The following EPB41L4B variants were observed in gnomAD, a reference collection of about 807,000 sequenced individuals.
The protein encoded by EPB41L4B is erythrocyte membrane protein band 4.1 like 4B.
A neutral mutation model predicts 112.5 loss-of-function variants in EPB41L4B; 30 were observed. That is an observed-to-expected ratio of 0.27 (90% CI 0.20 to 0.36). The LOEUF is 0.36. EPB41L4B is among the 10% of genes least tolerant of loss of function. The probability of loss-of-function intolerance (pLI) is 1.00; values close to 1 mark genes in which losing one functional copy is unlikely to be tolerated. For synonymous variants in EPB41L4B, 408 were observed against 439.7 expected (o/e 0.93, Z 0.90); for missense variants, 1,024 against 1,133.3 (o/e 0.90, Z 1.38).
chr9:109,255,684 A>G lies in EPB41L4B; in HGVS notation c.1000-4T>C, dbSNP rs1834953287. On this transcript the variant is annotated splice_polypyrimidine_tract_variant and splice_region_variant and intron_variant, in intron 10 of 25. Coordinates refer to ENST00000374566, the MANE Select transcript of EPB41L4B (RefSeq NM_019114.5). ...ACGTGTGCTCTTGCTCACGTCCCTT[A>G]AAGAGGAAGCACAAGGGCCTCGAGT... 1.2e-6 allele frequency: 2 copies of G among 1,611,936 alleles called. No homozygotes were observed. Among genetic ancestry groups the G allele is most frequent in the Non-Finnish European group, 1.7e-6 (2 of 1,178,130 alleles).
intron 1 of EPB41L4B, 114 bp downstream of exon 1, chr9:109,320,027 G>T: frequency 1.2e-6 from 1 of 827,358 alleles, no homozygotes; most frequent in East Asian, 3.7e-5. Context: ...GAGGATGGGG[G>T]AGGGGATCCC....
At chr9:109,256,523 A>T (rs757944346) in intron 7 of EPB41L4B, 43 bp from the exon 8 acceptor site, 9 of 1,564,142 alleles carry the variant, frequency 5.8e-6, no homozygotes, top group Non-Finnish European at 7.9e-6. Flanking sequence ...GCGACTCGTA[A>T]GCCCACAGGA....
chr9:109,214,571 A>G (rs974390773), intron 16 of EPB41L4B, among the ~76,000 whole-genome samples: 14 of 152,242 alleles, frequency 9.2e-5, no homozygotes, highest in Non-Finnish European at 1.8e-4. Flanking sequence ...CTGACAAGCG[A>G]ACATTTGAAT....
chr9:109,280,526 G>A (rs939992915), intron 1 of EPB41L4B, among the ~76,000 whole-genome samples: 2 of 152,142 alleles, frequency 1.3e-5, no homozygotes, highest in East Asian at 3.8e-4. Flanking sequence ...GTCAAGTCCT[G>A]CATCTGCCAC....
At chr9:109,282,352 C>A (rs532482001) in intron 1 of EPB41L4B, among the ~76,000 whole-genome samples, 1 of 152,328 alleles carries the variant, frequency 6.6e-6, no homozygotes, top group African/African-American at 2.4e-5. Flanking sequence ...TGTGAATACA[C>A]TAAAAGCTGC....
intron 10 of EPB41L4B, 44 bp downstream of exon 10, chr9:109,255,730 C>G (rs185730758): frequency 6.2e-7 from 1 of 1,611,774 alleles, no homozygotes; most frequent in Non-Finnish European, 8.5e-7. Flanking sequence ...AACCCCAACA[C>G]AGGATTTTCA....
chr9:109,198,492 C>T (rs1001626423), intron 20 of EPB41L4B, among the ~76,000 whole-genome samples: 2 of 152,214 alleles, frequency 1.3e-5, no homozygotes, highest in African/African-American at 4.8e-5. Context: ...AGGGGCCTGA[C>T]AGAAGCCTTT....
intron 1 of EPB41L4B, among the ~76,000 whole-genome samples, chr9:109,294,879 A>T (rs766485913): frequency 1.3e-5 from 2 of 152,180 alleles, no homozygotes; most frequent in African/African-American, 2.4e-5. Flanking sequence ...ACTTAAAACA[A>T]AATCTTGTAA....
rs891550733 is a variant in EPB41L4B, at chr9:109,203,561, T to C, written c.1946+102A>G. On this transcript the variant is annotated intron_variant, in intron 19 of 25. Transcript: ENST00000374566. ...GGGCTCCTATTCTCTGTTTTATTTG[T>C]CCTCTGATTTTATCAGCTAATGCCC... 1.7e-5 allele frequency: 16 copies of C among 956,086 alleles called. No individual in the cohort carries two copies. In the Admixed American group the frequency reaches 3.0e-4, roughly 18 times the overall value. The allele number at this position is 956,086 out of a possible 1,614,324, so 59.2% of individuals were successfully genotyped here. A position where few individuals can be genotyped will look rare whatever the true frequency, so the allele number is the denominator to read the frequency against.
chr9:109,285,552 C>A (rs183142711), intron 1 of EPB41L4B, among the ~76,000 whole-genome samples: 2 of 152,310 alleles, frequency 1.3e-5, no homozygotes, highest in African/African-American at 2.4e-5. Context: ...GAATTCCCAA[C>A]AGCCCTTTCC....
At chr9:109,257,777 T>C (rs764900201) in intron 7 of EPB41L4B, among the ~76,000 whole-genome samples, 2 of 152,178 alleles carry the variant, frequency 1.3e-5, no homozygotes, top group African/African-American at 2.4e-5. Flanking sequence ...GGACAATCAC[T>C]TGAGCTCAGG....
At chr9:109,286,275 G>A (rs1483566072) in intron 1 of EPB41L4B, among the ~76,000 whole-genome samples, 1 of 152,090 alleles carries the variant, frequency 6.6e-6, no homozygotes, top group Non-Finnish European at 1.5e-5. Flanking sequence ...AGCAGCAGGA[G>A]GTGGGTAAGA....
chr9:109,235,038 T>C (rs1834091909), intron 15 of EPB41L4B, among the ~76,000 whole-genome samples: 1 of 152,216 alleles, frequency 6.6e-6, no homozygotes, highest in Non-Finnish European at 1.5e-5. Flanking sequence ...TCCAAGCCTC[T>C]GAGTCCCAAT....
chr9:109,244,762 T>A (rs1459558783), intron 14 of EPB41L4B, among the ~76,000 whole-genome samples: 2 of 152,170 alleles, frequency 1.3e-5, no homozygotes, highest in African/African-American at 2.4e-5. Flanking sequence ...CAGGGGCTTC[T>A]CAAGGCTCAA....
At chr9:109,229,346 C>G (rs1029305929) in intron 15 of EPB41L4B, among the ~76,000 whole-genome samples, 4 of 152,194 alleles carry the variant, frequency 2.6e-5, no homozygotes, top group African/African-American at 9.7e-5. Flanking sequence ...ACAGAATGCC[C>G]ATGTCTGGAT....
intron 22 of EPB41L4B, among the ~76,000 whole-genome samples, 194 bp downstream of exon 22, chr9:109,192,084 C>T (rs1054941900): frequency 2.0e-5 from 3 of 152,172 alleles, no homozygotes; most frequent in Non-Finnish European, 4.4e-5. Context: ...AAGGAGCACC[C>T]CTTCCTCCCT....
chr9:109,313,781 G>A (rs943649791), intron 1 of EPB41L4B, among the ~76,000 whole-genome samples: 9 of 152,178 alleles, frequency 5.9e-5, no homozygotes, highest in African/African-American at 1.9e-4. Context: ...ACCCTAAAGA[G>A]ATACAAGCTC....
intron 1 of EPB41L4B, among the ~76,000 whole-genome samples, chr9:109,307,462 C>T (rs987087801): frequency 2.0e-5 from 3 of 152,194 alleles, no homozygotes; most frequent in African/African-American, 7.2e-5. Flanking sequence ...TCACTGCTGG[C>T]TGTGTGCATG....
rs1420623789 is a variant in EPB41L4B, at chr9:109,309,753, C to CAGAG, written c.306+10387_306+10388insCTCT. Among the ~76,000 whole-genome samples, 58 of 137,522 alleles carry CAGAG rather than the reference C, an allele frequency of 4.2e-4. 1 individual carries two copies. Among genetic ancestry groups the CAGAG allele is most frequent in the African/African-American group, 1.6e-3 (54 of 34,338 alleles). 90.2% of individuals were successfully genotyped at this position (137,522 alleles called of 152,430 possible). A position where few individuals can be genotyped will look rare whatever the true frequency, so the allele number is the denominator to read the frequency against. Reference sequence around the variant, plus strand: ...CATCTCTATTATTAAGAAATACACACACAGAGAGAGAGAGAGAGAGAGAGA... The same window carrying CAGAG: ...CATCTCTATTATTAAGAAATACACACAGAGACAGAGAGAGAGAGAGAGAGAGAGA... On this transcript the variant is annotated intron_variant, in intron 1 of 25. Transcript: ENST00000374566.
Sources: gnomAD v4.1 joint callset for allele counts (sites outside exome capture counted in the v4.1 genomes callset) on GRCh38, gnomAD v4.1.1 for gene constraint, MANE v1.5 for transcripts, NCBI Gene and HGNC (gene_info 2026-07-23, HGNC 2026-07-21) for gene names.